The following SI variants were observed in gnomAD, a reference collection of about 807,000 sequenced individuals.
The protein encoded by SI is sucrase-isomaltase, also known as sucrase-isomaltase, intestinal.
In SI, 235 loss-of-function variants were observed where a neutral mutation model predicts 253.3. The ratio of observed to expected loss-of-function variants is 0.93; its 90% CI spans 0.83 to 1.03. The LOEUF is 1.03. Ranked by LOEUF, SI falls within the 50% of genes least tolerant of loss-of-function variation. SI has a pLI of 0.00. For synonymous variants in SI, 819 were observed against 712.0 expected, an observed-to-expected ratio of 1.15 and a Z score of -2.39; for missense variants, 2,442 against 2,211.1, an observed-to-expected ratio of 1.10 and a Z score of -2.09.
intron 8 of SI, 64 bp from the exon 9 acceptor site, chr3:165,062,547 A>T (rs1388271319): frequency 6.2e-6 from 5 of 803,746 alleles, no homozygotes; most frequent in Non-Finnish European, 1.1e-5. Flanking sequence ...ATTAATTGCA[A>T]AGTCCATTTA....
chr3:165,088,876 T>C, the SI span, among the ~76,000 whole-genome samples: 1 of 152,002 alleles, frequency 6.6e-6, no homozygotes, highest in Non-Finnish European at 1.5e-5. Flanking sequence ...AAACTTTAAC[T>C]ATGATTTGGA....
At chr3:164,989,930 A>T (rs916918886) in intron 44 of SI, among the ~76,000 whole-genome samples, 5 of 152,318 alleles carry the variant, frequency 3.3e-5, no homozygotes, top group Non-Finnish European at 7.4e-5. Flanking sequence ...TGAAAGAGCA[A>T]TGAATAGGTG....
At position 165,020,878 on chromosome 3, in the gene SI, C is replaced by T. The variant is rs11919067; in HGVS notation, c.3254+351G>A. ...CACCAATAAACTATTTCAACAGTTT[C>T]AATAAAATATTTACTTCACTTGTTT... is the stretch of plus-strand genomic sequence containing the variant. On this transcript the variant is annotated intron_variant, in intron 27 of 47. Coordinates refer to ENST00000264382, the MANE Select transcript of SI (RefSeq NM_001041.4). Among the ~76,000 whole-genome samples, 900 of 151,732 alleles carry T rather than the reference C, an allele frequency of 5.9e-3. 14 individuals carry two copies. The highest frequency in any genetic ancestry group is 0.02 in the African/African-American group (845 of 41,498).
chr3:165,009,483 AG>A, intron 34 of SI, 88 bp from the exon 35 acceptor site: 1 of 780,146 alleles, frequency 1.3e-6, no homozygotes, highest in Non-Finnish European at 2.3e-6. Context: ...CAGATCCACA[AG>A]TCATGTATGA....
chr3:164,981,708 T>G (rs1717197766), intron 47 of SI, among the ~76,000 whole-genome samples: 2 of 152,128 alleles, frequency 1.3e-5, no homozygotes, highest in African/African-American at 2.4e-5. Flanking sequence ...TTACTTGCAT[T>G]TTTTTCTATT....
chr3:164,998,448 G>A (rs1276599797), intron 38 of SI, 92 bp downstream of exon 38: 2 of 1,347,660 alleles, frequency 1.5e-6, no homozygotes, highest in Non-Finnish European at 2.1e-6. Context: ...ACAAAATTCT[G>A]AGGACTTATA....
the SI span, among the ~76,000 whole-genome samples, chr3:165,089,705 C>G: frequency 6.6e-6 from 1 of 152,100 alleles, no homozygotes; most frequent in Admixed American, 6.6e-5. Context: ...TCTGATGAGG[C>G]TGGGACTGTG....
At chr3:164,996,809 A>C in intron 38 of SI, 37 bp from the exon 39 acceptor site, 1 of 886,862 alleles carries the variant, frequency 1.1e-6, no homozygotes, top group South Asian at 1.7e-5. Flanking sequence ...GAAAGTTATT[A>C]TTTCATATAT....
chr3:165,014,661 A>G (rs1248658572), intron 33 of SI, among the ~76,000 whole-genome samples: 1 of 152,120 alleles, frequency 6.6e-6, no homozygotes, highest in East Asian at 1.9e-4. Flanking sequence ...TTTTTGTAAT[A>G]TATTAATATA....
Position 164,986,969 on chromosome 3 carries a change from G to A in SI, c.5197+169C>T, listed in dbSNP as rs939516992. On this transcript the variant is annotated intron_variant, in intron 45 of 47. Transcript: ENST00000264382. ...ATAAGAGAAGTCTTTAAATGTTTGC[G>A]ACATTGTTTATCTCTTTAAGTTGAT... Among the ~76,000 whole-genome samples the A allele has an allele frequency of 6.6e-5, 10 of 152,234 alleles. 1 individual carries two copies. Among genetic ancestry groups the A allele is most frequent in the Middle Eastern group, 3.4e-3 (1 of 294 alleles).
Position 165,063,469 on chromosome 3 carries a change from C to A in SI, c.880G>T (p.Val294Phe). 6.5e-7 allele frequency: 1 copy of A among 1,539,774 alleles called. No homozygotes were observed. Among genetic ancestry groups the A allele is most frequent in the Non-Finnish European group, 9.0e-7 (1 of 1,116,068 alleles). ...IEDTSGKSFG[V>F]FLMNSNAMEI... Reference sequence around the variant, plus strand: ...ATTGCATTGCTATTCATTAAAAAAACACCGAATGACTTTCCAGATGTATCT... The same window carrying A: ...ATTGCATTGCTATTCATTAAAAAAAAACCGAATGACTTTCCAGATGTATCT... The change falls in exon 8 of 48, where the codon GTT (valine) becomes TTT (phenylalanine). Residue 294 changes from valine to phenylalanine, a missense_variant. Coordinates refer to ENST00000264382, the MANE Select transcript of SI (RefSeq NM_001041.4).
the SI span, among the ~76,000 whole-genome samples, chr3:165,084,682 T>C: frequency 6.6e-6 from 1 of 151,984 alleles, no homozygotes; most frequent in Non-Finnish European, 1.5e-5. Context: ...TAATTTTCTT[T>C]CTCCTACTTC....
At chr3:165,068,333 T>C (rs1714365067) in intron 5 of SI, among the ~76,000 whole-genome samples, 1 of 152,232 alleles carries the variant, frequency 6.6e-6, no homozygotes, top group African/African-American at 2.4e-5. Flanking sequence ...GTATGTTATA[T>C]TTGCATAAAC....
intron 45 of SI, among the ~76,000 whole-genome samples, chr3:164,984,992 A>G (rs1717367894): frequency 6.6e-6 from 1 of 152,190 alleles, no homozygotes; most frequent in African/African-American, 2.4e-5. Flanking sequence ...TATACCAAAT[A>G]TACTGATATT....
At chr3:164,989,073 C>T (rs1717574983) in intron 44 of SI, among the ~76,000 whole-genome samples, 1 of 149,472 alleles carries the variant, frequency 6.7e-6, no homozygotes, top group Admixed American at 6.6e-5. Context: ...TACCCTAAAA[C>T]TTAAAGTATA....
intron 40 of SI, among the ~76,000 whole-genome samples, chr3:164,995,002 C>T (rs910065077): frequency 1.3e-5 from 2 of 151,542 alleles, no homozygotes; most frequent in African/African-American, 4.8e-5. Context: ...GATTAAAAGT[C>T]TACAAAAAAA....
chr3:165,029,876 C>A lies in SI; in HGVS notation c.2892+836G>T, dbSNP rs1398475743. ...ATTTGACTTTTATTGATTTTAGAATCTTTTCTTCTCCTTACTTTTTCTGTT... is the reference window on the plus strand; with the variant it reads ...ATTTGACTTTTATTGATTTTAGAATATTTTCTTCTCCTTACTTTTTCTGTT... On this transcript the variant is annotated intron_variant, in intron 25 of 47. Coordinates refer to ENST00000264382, the MANE Select transcript of SI (RefSeq NM_001041.4). Among the ~76,000 whole-genome samples, 5 of 150,328 alleles carry A rather than the reference C, an allele frequency of 3.3e-5. No individual in the cohort carries two copies. The East Asian group carries it at 5.9e-4, about 18-fold the overall frequency.
intron 31 of SI, among the ~76,000 whole-genome samples, chr3:165,017,118 A>G (rs2108174092): frequency 6.6e-6 from 1 of 152,028 alleles, no homozygotes; most frequent in Non-Finnish European, 1.5e-5. Flanking sequence ...TCTATTATAT[A>G]TTACAACTAT....
At chr3:165,011,520 TAACATG>T (rs1396407750) in intron 34 of SI, among the ~76,000 whole-genome samples, 3 of 152,052 alleles carry the variant, frequency 2.0e-5, no homozygotes, top group African/African-American at 7.2e-5. Flanking sequence ...TCTTGTGACT[TAACATG>T]TGATCACTCT....
Sources: gnomAD v4.1 joint callset for allele counts (sites outside exome capture counted in the v4.1 genomes callset) on GRCh38, gnomAD v4.1.1 for gene constraint, MANE v1.5 for transcripts, NCBI Gene and HGNC (gene_info 2026-07-23, HGNC 2026-07-21) for gene names.